The following PDE4B variants were observed in gnomAD, a reference collection of about 807,000 sequenced individuals.
The protein encoded by PDE4B is 3',5'-cyclic-AMP phosphodiesterase 4B.
Under a neutral mutation model 82.2 loss-of-function variants are expected in PDE4B, and 20 were observed. That is an observed-to-expected ratio of 0.24 (90% CI 0.17 to 0.35). PDE4B has a LOEUF of 0.35. Ranked by LOEUF, PDE4B falls within the 10% of genes least tolerant of loss-of-function variation. PDE4B has a pLI of 1.00. For synonymous variants in PDE4B, 320 were observed against 318.9 expected (o/e 1.00, Z -0.04); for missense variants, 655 against 907.2 (o/e 0.72, Z 3.57).
chr1:66,135,480 A>G (rs1646037894), intron 3 of PDE4B, among the ~76,000 whole-genome samples: 1 of 152,222 alleles, frequency 6.6e-6, no homozygotes, highest in Non-Finnish European at 1.5e-5. Flanking sequence ...TGTGAAGAAT[A>G]GGGCAATGCT....
At chr1:65,870,173 G>A (rs868741549) in intron 1 of PDE4B, among the ~76,000 whole-genome samples, 1 of 152,102 alleles carries the variant, frequency 6.6e-6, no homozygotes, top group African/African-American at 2.4e-5. Flanking sequence ...TAGTTCTTAT[G>A]CATTTATATT....
At chr1:66,236,789 A>T (rs1652494760) in intron 3 of PDE4B, among the ~76,000 whole-genome samples, 2 of 152,186 alleles carry the variant, frequency 1.3e-5, no homozygotes, top group Admixed American at 1.3e-4. Flanking sequence ...CATAGCAGCA[A>T]GAAGAAAGAC....
chr1:66,306,235 T>C (rs1190289634), intron 7 of PDE4B, among the ~76,000 whole-genome samples: 2 of 152,166 alleles, frequency 1.3e-5, no homozygotes, highest in East Asian at 1.9e-4. Flanking sequence ...TAAGGGATTT[T>C]ATTTGTTGTC....
chr1:66,336,755 C>T (rs1053755310), intron 8 of PDE4B, among the ~76,000 whole-genome samples: 23 of 152,244 alleles, frequency 1.5e-4, no homozygotes, highest in East Asian at 7.7e-4. Flanking sequence ...ATTGTGAAGT[C>T]GGCTACAGAT....
intron 1 of PDE4B, among the ~76,000 whole-genome samples, chr1:65,815,324 G>GATATATAAATTTATAAGATATATAAA (rs1645870419): frequency 6.6e-6 from 1 of 151,506 alleles, no homozygotes; most frequent in Admixed American, 6.6e-5. Context: ...AAATTTGGAA[G>GATATATAAATTTATAAGATATATAAA]CCATATAGAT....
intron 1 of PDE4B, among the ~76,000 whole-genome samples, chr1:65,813,023 G>A (rs1453935815): frequency 6.6e-6 from 1 of 152,148 alleles, no homozygotes; most frequent in East Asian, 1.9e-4. Flanking sequence ...TCTAAGACAT[G>A]TTGGGAGATA....
intron 7 of PDE4B, among the ~76,000 whole-genome samples, chr1:66,326,079 G>A (rs1384630961): frequency 6.6e-6 from 1 of 152,110 alleles, no homozygotes; most frequent in African/African-American, 2.4e-5. Context: ...ACCAACATTT[G>A]TCGTTGTTTT....
At chr1:66,058,538 C>T (rs1056252687) in intron 3 of PDE4B, among the ~76,000 whole-genome samples, 1 of 152,238 alleles carries the variant, frequency 6.6e-6, no homozygotes, top group Non-Finnish European at 1.5e-5. Context: ...GGCATGCAGG[C>T]ATTTCCATAC....
chr1:65,999,962 A>G (rs953761099), intron 3 of PDE4B, among the ~76,000 whole-genome samples: 3 of 152,178 alleles, frequency 2.0e-5, no homozygotes, highest in Non-Finnish European at 2.9e-5. Flanking sequence ...CTGTCAGTAG[A>G]GCTACTGCAG....
intron 9 of PDE4B, chr1:66,360,568 T>C (rs1426695670): frequency 1.3e-5 from 2 of 152,250 alleles, no homozygotes; most frequent in Non-Finnish European, 2.9e-5. Flanking sequence ...AAAGCTGCAT[T>C]AACTCTTTCA....
intron 3 of PDE4B, among the ~76,000 whole-genome samples, chr1:65,931,943 A>T (rs768637291): frequency 6.6e-6 from 1 of 152,204 alleles, no homozygotes; most frequent in Non-Finnish European, 1.5e-5. Flanking sequence ...GTAAGAACAA[A>T]GACAGAAGTT....
At chr1:66,226,434 G>T (rs563936097) in intron 3 of PDE4B, among the ~76,000 whole-genome samples, 2 of 152,334 alleles carry the variant, frequency 1.3e-5, no homozygotes, top group Admixed American at 1.3e-4. Context: ...AGATGATGTG[G>T]TGTGAAAAGT....
At chr1:66,173,253 T>C (rs1570397005) in intron 3 of PDE4B, among the ~76,000 whole-genome samples, 1 of 152,138 alleles carries the variant, frequency 6.6e-6, no homozygotes, top group East Asian at 1.9e-4. Context: ...TGATTGCTTG[T>C]GACAACGCTG....
intron 1 of PDE4B, among the ~76,000 whole-genome samples, chr1:65,884,256 G>C (rs187215831): frequency 6.6e-6 from 1 of 152,074 alleles, no homozygotes; most frequent in African/African-American, 2.4e-5. Context: ...TTGTACCTCT[G>C]GTAGAATTTG....
intron 3 of PDE4B, among the ~76,000 whole-genome samples, chr1:66,244,580 G>A (rs990456163): frequency 1.2e-4 from 19 of 152,132 alleles, no homozygotes; most frequent in Non-Finnish European, 2.5e-4. Context: ...GGGACGTATT[G>A]TGATGTCTGC....
chr1:65,857,113 C>T (rs116052175), intron 1 of PDE4B, among the ~76,000 whole-genome samples: 1,605 of 152,278 alleles, frequency 0.011, 34 homozygotes, highest in African/African-American at 0.037. Flanking sequence ...TTCTTACAAC[C>T]TGCACCCACA....
chr1:66,150,018 C>T (rs1297292980), intron 3 of PDE4B, among the ~76,000 whole-genome samples: 1 of 152,094 alleles, frequency 6.6e-6, no homozygotes, highest in African/African-American at 2.4e-5. Flanking sequence ...TGTTCTTTCC[C>T]CATTAAATTG....
intron 3 of PDE4B, among the ~76,000 whole-genome samples, chr1:66,119,683 T>G (rs1395484063): frequency 6.6e-6 from 1 of 152,194 alleles, no homozygotes; most frequent in African/African-American, 2.4e-5. Flanking sequence ...TTGTCACTGT[T>G]CTGGGTTAAA....
intron 1 of PDE4B, among the ~76,000 whole-genome samples, chr1:65,818,990 C>T (rs1645919461): frequency 6.6e-6 from 1 of 152,060 alleles, no homozygotes; most frequent in South Asian, 2.1e-4. Context: ...ACTGCATGCC[C>T]ATTGTGAGTG....
Sources: gnomAD v4.1 joint callset for allele counts (sites outside exome capture counted in the v4.1 genomes callset) on GRCh38, gnomAD v4.1.1 for gene constraint, MANE v1.5 for transcripts, NCBI Gene and HGNC (gene_info 2026-07-23, HGNC 2026-07-21) for gene names.